RBFOX1: variants seen among roughly 807,000 people sequenced by gnomAD.
RBFOX1 encodes the protein RNA binding protein fox-1 homolog 1.
In RBFOX1, 8 loss-of-function variants were observed where a neutral mutation model predicts 57.7. The observed-to-expected ratio is 0.14, with a 90% CI of 0.08 to 0.25. The LOEUF is 0.25. Ranked by LOEUF, RBFOX1 falls within the 10% of genes least tolerant of loss-of-function variation. RBFOX1 has a pLI of 1.00. For missense variants in RBFOX1, 611 were observed against 548.5 expected, an observed-to-expected ratio of 1.11 and a Z score of -1.14; for synonymous variants, 326 against 222.4, an observed-to-expected ratio of 1.47 and a Z score of -4.15.
At chr16:6,502,046 C>A (rs2153182367) in intron 2 of RBFOX1, among the ~76,000 whole-genome samples, 1 of 152,250 alleles carries the variant, frequency 6.6e-6, no homozygotes, top group Non-Finnish European at 1.5e-5. Flanking sequence ...GAGGGTATAA[C>A]CCTGGTTTCC....
At chr16:7,109,206 T>A (rs2151530639) in intron 4 of RBFOX1, among the ~76,000 whole-genome samples, 1 of 152,266 alleles carries the variant, frequency 6.6e-6, no homozygotes, top group East Asian at 1.9e-4. Flanking sequence ...AAAACAAGTA[T>A]AAAGGATACC....
At chr16:6,836,160 G>C (rs548291775) in intron 3 of RBFOX1, among the ~76,000 whole-genome samples, 5 of 152,158 alleles carry the variant, frequency 3.3e-5, no homozygotes, top group Admixed American at 6.5e-5. Flanking sequence ...CCATTAATAC[G>C]TCACCGGGTA....
At chr16:5,618,662 A>G (rs2048117919) in intron 3 of RBFOX1, among the ~76,000 whole-genome samples, 1 of 152,204 alleles carries the variant, frequency 6.6e-6, no homozygotes, top group Non-Finnish European at 1.5e-5. Context: ...TACGTAAGTT[A>G]TACCTCAAAA....
chr16:7,221,600 C>A (rs2092737767), intron 4 of RBFOX1, among the ~76,000 whole-genome samples: 1 of 152,184 alleles, frequency 6.6e-6, no homozygotes, highest in African/African-American at 2.4e-5. Flanking sequence ...CTCCTGACCT[C>A]AGGTGATCCA....
At chr16:5,354,037 T>C (rs1368826825) in intron 1 of RBFOX1, among the ~76,000 whole-genome samples, 1 of 150,302 alleles carries the variant, frequency 6.7e-6, no homozygotes, top group Non-Finnish European at 1.5e-5. Flanking sequence ...TTTGGAATAC[T>C]TACAATTCCT....
intron 4 of RBFOX1, among the ~76,000 whole-genome samples, chr16:7,204,188 T>A (rs2152741549): frequency 6.6e-6 from 1 of 152,328 alleles, no homozygotes; most frequent in Non-Finnish European, 1.5e-5. Context: ...TTCATTCCAA[T>A]GATCCATTCT....
chr16:6,924,021 T>G (rs146763468), intron 3 of RBFOX1, among the ~76,000 whole-genome samples: 392 of 151,712 alleles, frequency 2.6e-3, no homozygotes, highest in African/African-American at 9.1e-3. Context: ...AATACAAACA[T>G]TAGTCAGGTA....
intron 4 of RBFOX1, among the ~76,000 whole-genome samples, chr16:7,436,585 T>C (rs2098723131): frequency 6.6e-6 from 1 of 152,182 alleles, no homozygotes; most frequent in Non-Finnish European, 1.5e-5. Flanking sequence ...AAACTGAGGC[T>C]CCATGAGGTT....
intron 2 of RBFOX1, among the ~76,000 whole-genome samples, chr16:6,509,788 C>G (rs1337037569): frequency 2.0e-5 from 3 of 152,136 alleles, no homozygotes; most frequent in Admixed American, 6.6e-5. Flanking sequence ...ACCAAAATAT[C>G]TCATGTAACT....
chr16:5,791,334 C>T (rs777548177), intron 3 of RBFOX1, among the ~76,000 whole-genome samples: 7 of 152,172 alleles, frequency 4.6e-5, no homozygotes, highest in Non-Finnish European at 7.3e-5. Context: ...ATAATTATAT[C>T]ATCTTAACAG....
intron 3 of RBFOX1, among the ~76,000 whole-genome samples, chr16:6,987,519 C>T (rs1037342577): frequency 6.6e-6 from 1 of 150,982 alleles, no homozygotes; most frequent in African/African-American, 2.5e-5. Context: ...GCATGCCCCA[C>T]ACATTGCAAA....
At chr16:5,374,754 A>G (rs1567409662) in intron 1 of RBFOX1, among the ~76,000 whole-genome samples, 1 of 151,706 alleles carries the variant, frequency 6.6e-6, no homozygotes, top group Non-Finnish European at 1.5e-5. Flanking sequence ...ACATCAAAAG[A>G]AGACGACTAT....
chr16:7,258,979 C>T (rs536050418), intron 4 of RBFOX1, among the ~76,000 whole-genome samples: 2 of 152,272 alleles, frequency 1.3e-5, no homozygotes, highest in East Asian at 1.9e-4. Context: ...TATTGCATAC[C>T]TTTCCAAGCC....
chr16:5,844,322 A>T (rs775016877), intron 3 of RBFOX1, among the ~76,000 whole-genome samples: 1 of 152,238 alleles, frequency 6.6e-6, no homozygotes, highest in African/African-American at 2.4e-5. Context: ...TGCATTTTAA[A>T]ATCTGGTTGT....
chr16:6,837,551 G>A (rs2093188559), intron 3 of RBFOX1, among the ~76,000 whole-genome samples: 1 of 152,220 alleles, frequency 6.6e-6, no homozygotes. Context: ...AAATGGTTTA[G>A]CATGTGAGTA....
At chr16:7,686,084 C>T (rs981963577) in intron 14 of RBFOX1, among the ~76,000 whole-genome samples, 1 of 151,764 alleles carries the variant, frequency 6.6e-6, no homozygotes, top group African/African-American at 2.4e-5. Context: ...CCATTGCTGT[C>T]ATGAACAGAA....
intron 4 of RBFOX1, among the ~76,000 whole-genome samples, chr16:7,117,558 C>T (rs1328501484): frequency 6.6e-6 from 1 of 152,178 alleles, no homozygotes; most frequent in Non-Finnish European, 1.5e-5. Flanking sequence ...TAACTTACCA[C>T]AATCTATAGT....
At chr16:6,717,894 G>T (rs1047256218) in intron 3 of RBFOX1, among the ~76,000 whole-genome samples, 3 of 152,186 alleles carry the variant, frequency 2.0e-5, no homozygotes, top group African/African-American at 7.2e-5. Context: ...GTCTACACTG[G>T]TTCCAAGGAT....
At chr16:7,568,883 A>G (rs1428365147) in intron 5 of RBFOX1, among the ~76,000 whole-genome samples, 1 of 16,716 alleles carries the variant, frequency 6.0e-5, no homozygotes, top group African/African-American at 1.3e-4. Context: ...ACTCTGTCTC[A>G]AAAAAAAAAA....
Sources: gnomAD v4.1 joint callset for allele counts (sites outside exome capture counted in the v4.1 genomes callset) on GRCh38, gnomAD v4.1.1 for gene constraint, MANE v1.5 for transcripts, NCBI Gene and HGNC (gene_info 2026-07-23, HGNC 2026-07-21) for gene names.